LMX1A: variants seen among roughly 807,000 people sequenced by gnomAD.
LMX1A encodes LIM homeobox transcription factor 1 alpha, also known as LIM homeobox transcription factor 1-alpha.
Under a neutral mutation model 49.1 loss-of-function variants are expected in LMX1A, and 15 were observed. That is an observed-to-expected ratio of 0.31 (90% CI 0.20 to 0.47). LMX1A has a LOEUF of 0.47. LMX1A is among the 20% of genes least tolerant of loss of function. LMX1A has a pLI of 1.00. For synonymous variants in LMX1A, 167 were observed against 185.7 expected, an observed-to-expected ratio of 0.90 and a Z score of 0.82; for missense variants, 372 against 475.8, an observed-to-expected ratio of 0.78 and a Z score of 2.03.
At chr1:165,275,603 A>C (rs1279053887) in intron 3 of LMX1A, among the ~76,000 whole-genome samples, 1 of 152,126 alleles carries the variant, frequency 6.6e-6, no homozygotes, top group Non-Finnish European at 1.5e-5. Context: ...TTCCTTGGCA[A>C]AGCCCCCTTC....
chr1:165,230,766 A>T (rs1652211680), intron 4 of LMX1A, among the ~76,000 whole-genome samples: 1 of 152,226 alleles, frequency 6.6e-6, no homozygotes, highest in African/African-American at 2.4e-5. Context: ...ATCCAAGATC[A>T]CATGCCTACT....
rs148227502 is a variant in LMX1A at position 165,205,969 on chromosome 1, T to G, written c.883A>C (p.Thr295Pro). ...GIMNPYTALP[T>P]PQQLLAIEQS... ...TCGATGGCCAGGAGCTGCTGTGGGGTGGGCAGAGCCGTGTAGGGGTTCATG... is the reference window on the plus strand; with the variant it reads ...TCGATGGCCAGGAGCTGCTGTGGGGGGGGCAGAGCCGTGTAGGGGTTCATG... Residue 295 changes from threonine (T) to proline (P), a missense_variant, in exon 8 of 9, where the codon ACC becomes CCC. Thr to Pro is a conservative substitution (Grantham distance 38). This residue lies in a region of LMX1A where 127 missense variants were observed against 138.0 expected (regional missense o/e 0.92). Transcript: ENST00000342310. 167 of 1,613,080 alleles carry G rather than the reference T, an allele frequency of 1.0e-4. No homozygotes were observed. In the African/African-American group the frequency reaches 2.1e-3, roughly 20 times the overall value.
intron 4 of LMX1A, among the ~76,000 whole-genome samples, chr1:165,240,942 A>G (rs1464094487): frequency 6.6e-6 from 1 of 152,190 alleles, no homozygotes; most frequent in Non-Finnish European, 1.5e-5. Context: ...AATAATGACC[A>G]CTGTATGCAT....
At chr1:165,346,946 TG>T (rs1225173031) in intron 3 of LMX1A, among the ~76,000 whole-genome samples, 4 of 152,326 alleles carry the variant, frequency 2.6e-5, no homozygotes, top group Admixed American at 6.5e-5. Flanking sequence ...ATTTGACATT[TG>T]GGGGGTGTTT....
intron 4 of LMX1A, among the ~76,000 whole-genome samples, chr1:165,245,681 G>A (rs1429079946): frequency 1.3e-5 from 2 of 151,454 alleles, no homozygotes; most frequent in Non-Finnish European, 2.9e-5. Flanking sequence ...GGACACTGTA[G>A]TTCTATTAAT....
In LMX1A at chr1:165,292,404, A is replaced by G. The variant is rs78632244; in HGVS notation, c.264-42764T>C. 5.2e-4 allele frequency among the ~76,000 whole-genome samples: 79 copies of G among 152,342 alleles called. 1 individual carries two copies. In the East Asian group the frequency reaches 0.015, roughly 29 times the overall value. ...GAAGCAAAGCTCCGGAAAGTGAGTC[A>G]GAAGTAGAAGGAGTTGTTATGTATC... On this transcript the variant is annotated intron_variant, in intron 3 of 8. Transcript: ENST00000342310.
At chr1:165,258,449 C>T (rs1227413583) in intron 3 of LMX1A, among the ~76,000 whole-genome samples, 1 of 152,094 alleles carries the variant, frequency 6.6e-6, no homozygotes, top group East Asian at 1.9e-4. Flanking sequence ...TCTGCATGGA[C>T]AATAGAGTGG....
intron 3 of LMX1A, among the ~76,000 whole-genome samples, chr1:165,317,009 A>G (rs1238815642): frequency 2.6e-5 from 4 of 152,228 alleles, no homozygotes. Flanking sequence ...TTATTTACGG[A>G]ACTGATACTT....
At chr1:165,348,015 T>C (rs914962438) in intron 3 of LMX1A, among the ~76,000 whole-genome samples, 3 of 127,332 alleles carry the variant, frequency 2.4e-5, no homozygotes, top group Admixed American at 8.6e-5. Context: ...CTGAAATTAG[T>C]AATGGTCTTT....
At chr1:165,295,584 G>A (rs1370291537) in intron 3 of LMX1A, among the ~76,000 whole-genome samples, 1 of 151,900 alleles carries the variant, frequency 6.6e-6, no homozygotes, top group Non-Finnish European at 1.5e-5. Flanking sequence ...AAAGGCATCT[G>A]TGTCAAAGCC....
intron 3 of LMX1A, among the ~76,000 whole-genome samples, chr1:165,303,792 T>A (rs1654847736): frequency 6.6e-6 from 1 of 152,114 alleles, no homozygotes; most frequent in Non-Finnish European, 1.5e-5. Context: ...ACCCCTCTGC[T>A]CTAACAATTA....
chr1:165,257,094 G>T (rs1367555557), intron 3 of LMX1A, among the ~76,000 whole-genome samples: 1 of 152,108 alleles, frequency 6.6e-6, no homozygotes, highest in Non-Finnish European at 1.5e-5. Context: ...AATCTTTATT[G>T]AGTACCCACT....
chr1:165,214,328 C>T lies in LMX1A; in HGVS notation c.497-515G>A, dbSNP rs559587329. ...ATTCACTTTCTGCCATGATTGAAAG[C>T]TCCCTGAGGCTTCCCCAGCCATGCA... is the stretch of plus-strand genomic sequence containing the variant. On this transcript the variant is annotated intron_variant, in intron 4 of 8. Transcript: ENST00000342310. Among the ~76,000 whole-genome samples the T allele has an allele frequency of 1.4e-4, 22 of 152,344 alleles. No homozygotes were observed. The South Asian group carries it at 3.3e-3, about 23-fold the overall frequency.
intron 3 of LMX1A, among the ~76,000 whole-genome samples, chr1:165,346,038 A>T (rs1656235159): frequency 6.6e-6 from 1 of 152,226 alleles, no homozygotes; most frequent in Admixed American, 6.5e-5. Context: ...AGAAGGGGAC[A>T]GAGGCAGATG....
intron 3 of LMX1A, among the ~76,000 whole-genome samples, chr1:165,347,282 A>G (rs1413858632): frequency 1.3e-5 from 2 of 152,184 alleles, no homozygotes; most frequent in Non-Finnish European, 2.9e-5. Context: ...AACTTCCCCA[A>G]ACCAAATCTG....
chr1:165,238,651 T>C (rs1359717199), intron 4 of LMX1A, among the ~76,000 whole-genome samples: 3 of 152,210 alleles, frequency 2.0e-5, no homozygotes, highest in African/African-American at 7.2e-5. Context: ...TTTAATTATA[T>C]ATGAAAAGGT....
intron 4 of LMX1A, among the ~76,000 whole-genome samples, chr1:165,229,365 A>C (rs898940959): frequency 2.0e-5 from 3 of 152,160 alleles, no homozygotes; most frequent in Non-Finnish European, 2.9e-5. Flanking sequence ...TTATTAATGG[A>C]AGCTATAGAT....
intron 4 of LMX1A, among the ~76,000 whole-genome samples, chr1:165,222,648 G>A (rs1651890373): frequency 6.6e-6 from 1 of 152,224 alleles, no homozygotes; most frequent in Non-Finnish European, 1.5e-5. Flanking sequence ...TTGCAAAAGT[G>A]AGTCCTCATT....
At chr1:165,314,188 G>A (rs1294783392) in intron 3 of LMX1A, among the ~76,000 whole-genome samples, 4 of 152,238 alleles carry the variant, frequency 2.6e-5, no homozygotes, top group Admixed American at 6.5e-5. Flanking sequence ...GGGTGGCAGC[G>A]GTTGGGGGAG....
Sources: gnomAD v4.1 joint callset for allele counts (sites outside exome capture counted in the v4.1 genomes callset) on GRCh38, gnomAD v4.1.1 for gene constraint, gnomAD v4.1.1 regional missense constraint, MANE v1.5 for transcripts, NCBI Gene and HGNC (gene_info 2026-07-23, HGNC 2026-07-21) for gene names.